Variants in KATNAL2 observed in about 807,000 individuals in gnomAD.
KATNAL2 encodes katanin catalytic subunit A1 like 2, also known as katanin p60 ATPase-containing subunit A-like 2.
A neutral mutation model predicts 76.3 loss-of-function variants in KATNAL2; 52 were observed. The observed-to-expected ratio is 0.68, with a 90% confidence interval of 0.55 to 0.86. KATNAL2 has a LOEUF of 0.86. Among genes scored for constraint, KATNAL2 ranks in the 40% least tolerant of loss-of-function variants. The pLI, the probability that KATNAL2 is intolerant of heterozygous loss-of-function variation, is 0.00. For synonymous variants in KATNAL2, 243 were observed against 244.2 expected, an observed-to-expected ratio of 1.00 and a Z score of 0.05; for missense variants, 660 against 668.9, an observed-to-expected ratio of 0.99 and a Z score of 0.15.
At chr18:47,035,161 G>A in intron 3 of KATNAL2, 1 of 1,612,118 alleles carries the variant, frequency 6.2e-7, no homozygotes, top group Non-Finnish European at 8.5e-7. Flanking sequence ...GGGCAAGGCG[G>A]AGAGTTTCTG....
rs892851544 is a variant in KATNAL2 at position 47,053,014 on chromosome 18, A to G, written c.257A>G (p.Tyr86Cys). The G allele has an allele frequency of 7.5e-6, 12 of 1,606,586 alleles. No individual in the cohort carries two copies. The highest frequency in any genetic ancestry group is 9.3e-6 in the Non-Finnish European group (11 of 1,177,350). Residue 86 changes from tyrosine to cysteine, a missense_variant, in exon 5 of 18, where the codon TAC (tyrosine) becomes TGC (cysteine). Coordinates refer to ENST00000683218, the MANE Select transcript of KATNAL2 (RefSeq NM_001387690.1). Reference sequence around the variant, plus strand: ...TATTATTTTGTAAAATTTCAGAAATACCCCAAAATTGTCAAAAAGTCATCA... The same window carrying G: ...TATTATTTTGTAAAATTTCAGAAATGCCCCAAAATTGTCAAAAAGTCATCA... ...ESYYFVKFQK[Y>C]PKIVKKSSDT...
At chr18:47,067,568 C>A (rs1346090445) in intron 11 of KATNAL2, among the ~76,000 whole-genome samples, 1 of 152,168 alleles carries the variant, frequency 6.6e-6, no homozygotes, top group Non-Finnish European at 1.5e-5. Flanking sequence ...GACTAGACAG[C>A]CCCTTCCAGG....
At chr18:46,936,509 G>T (rs1306388854) in intron 1 of KATNAL2, among the ~76,000 whole-genome samples, 2 of 152,168 alleles carry the variant, frequency 1.3e-5, no homozygotes, top group Non-Finnish European at 1.5e-5. Context: ...AGAGGCTCAG[G>T]TGGGGGGATC....
At chr18:46,944,849 T>C (rs1002799247) in intron 1 of KATNAL2, among the ~76,000 whole-genome samples, 12 of 152,022 alleles carry the variant, frequency 7.9e-5, no homozygotes, top group African/African-American at 2.9e-4. Flanking sequence ...ATTGCTTGAA[T>C]CCGGGAGGCG....
At position 47,090,398 on chromosome 18, in the gene KATNAL2, C is replaced by T. The variant is rs1262143168; in HGVS notation, c.1212-8845C>T. 3.3e-5 allele frequency among the ~76,000 whole-genome samples: 5 copies of T among 152,114 alleles called. No homozygotes were observed. The East Asian group carries it at 5.8e-4, about 18-fold the overall frequency. ...CTGGGATTACAGGCAGGAGCCACCG[C>T]GCCCAGCCCGAAATAGTATTTCTTG... is the stretch of plus-strand genomic sequence containing the variant. On this transcript the variant is annotated intron_variant, in intron 15 of 17. Transcript: ENST00000683218.
At chr18:47,037,850 A>ATTTTTT (rs5824648) in intron 3 of KATNAL2, among the ~76,000 whole-genome samples, 1 of 148,036 alleles carries the variant, frequency 6.8e-6, no homozygotes. Context: ...TAGGAAAGCC[A>ATTTTTT]TTTTTTTTTT....
intron 3 of KATNAL2, among the ~76,000 whole-genome samples, chr18:46,958,537 C>T (rs1298499320): frequency 1.3e-5 from 2 of 152,096 alleles, no homozygotes; most frequent in African/African-American, 4.8e-5. Flanking sequence ...CTGTGACTAA[C>T]ACAGATTTGT....
At position 47,077,423 on chromosome 18, in the gene KATNAL2, A is replaced by C. The variant is rs112035176; in HGVS notation, c.1173A>C (p.Glu391Asp). The change falls in exon 15 of 18, where the codon GAA becomes GAC. Residue 391 changes from glutamate (E) to aspartate (D), a missense_variant. Physicochemically the swap from Glu to Asp is conservative, Grantham distance 45. Transcript: ENST00000683218. Reference sequence around the variant, plus strand: ...AGATGGATGGGCTGGCACGCTCAGAAGATCTCGTATTTGTCTTAGCAGCTT... The same window carrying C: ...AGATGGATGGGCTGGCACGCTCAGACGATCTCGTATTTGTCTTAGCAGCTT... ...LVQMDGLARS[E>D]DLVFVLAASN... 131 of 1,614,082 alleles carry C rather than the reference A, an allele frequency of 8.1e-5. No homozygotes were observed. In the African/African-American group the frequency reaches 1.6e-3, roughly 20 times the overall value.
chr18:47,033,191 C>G, intron 3 of KATNAL2: 1 of 1,614,124 alleles, frequency 6.2e-7, no homozygotes, highest in Non-Finnish European at 8.5e-7. Flanking sequence ...CTGCCACCGC[C>G]GCTGCTGCTC....
At chr18:47,033,561 A>T (rs554546241) in intron 3 of KATNAL2, 12 of 1,614,008 alleles carry the variant, frequency 7.4e-6, no homozygotes, top group Admixed American at 3.3e-5. Context: ...TCTTTCTGCG[A>T]TACAGCTGAT....
chr18:46,966,073 G>C (rs1322011163), intron 3 of KATNAL2, among the ~76,000 whole-genome samples: 50 of 148,866 alleles, frequency 3.4e-4, no homozygotes, highest in Non-Finnish European at 5.6e-4. Flanking sequence ...CTGAGAATCG[G>C]GGAATGGGGA....
Position 46,946,373 on chromosome 18 carries a change from C to T in KATNAL2, c.-193C>T. ...ACAACCAAAGTGTCCACAGCAGATT[C>T]GTCCAGTCTAGATAGACCATGCACA... On this transcript the variant is annotated 5_prime_UTR_variant, in exon 2 of 18. Transcript: ENST00000683218. 1 of 1,024,528 alleles carries T rather than the reference C, an allele frequency of 9.8e-7. No individual in the cohort carries two copies. The highest frequency in any genetic ancestry group is 1.2e-6 in the Non-Finnish European group (1 of 851,940). 63.5% of individuals were successfully genotyped at this position (1,024,528 alleles called of 1,614,324 possible). A position where few individuals can be genotyped will look rare whatever the true frequency, so the allele number is the denominator to read the frequency against.
chr18:46,923,281 T>A (rs1205800408), intron 1 of KATNAL2, among the ~76,000 whole-genome samples: 4 of 144,046 alleles, frequency 2.8e-5, no homozygotes, highest in Non-Finnish European at 6.0e-5. Flanking sequence ...CCATGTGTTC[T>A]CATTGTTCAA....
At chr18:47,064,720 A>G (rs2061737106) in intron 10 of KATNAL2, among the ~76,000 whole-genome samples, 1 of 152,094 alleles carries the variant, frequency 6.6e-6, no homozygotes, top group Non-Finnish European at 1.5e-5. Flanking sequence ...AGAACTATAG[A>G]GTGGAAATGG....
chr18:46,937,711 C>T (rs2059133747), intron 1 of KATNAL2, among the ~76,000 whole-genome samples: 1 of 152,070 alleles, frequency 6.6e-6, no homozygotes, highest in Non-Finnish European at 1.5e-5. Flanking sequence ...GAGACATGTA[C>T]AAGGATATTT....
chr18:47,099,132 A>G (rs2063368845), intron 15 of KATNAL2, 111 bp from the exon 16 acceptor site: 1 of 1,032,672 alleles, frequency 9.7e-7, no homozygotes, highest in African/African-American at 1.6e-5. Context: ...GTAGAGTGAC[A>G]GTTAAAATGC....
intron 15 of KATNAL2, among the ~76,000 whole-genome samples, chr18:47,078,758 T>G (rs761871158): frequency 6.6e-6 from 1 of 152,214 alleles, no homozygotes; most frequent in Non-Finnish European, 1.5e-5. Flanking sequence ...GAGAAACTTA[T>G]TGTGCTGTTT....
intron 3 of KATNAL2, among the ~76,000 whole-genome samples, chr18:47,045,035 G>A (rs1195590655): frequency 6.6e-6 from 1 of 151,734 alleles, no homozygotes; most frequent in African/African-American, 2.4e-5. Context: ...GGAGGGCAGG[G>A]CTGCCATGAG....
chr18:46,960,380 A>G (rs1442063334), intron 3 of KATNAL2, among the ~76,000 whole-genome samples: 2 of 151,720 alleles, frequency 1.3e-5, no homozygotes, highest in African/African-American at 2.4e-5. Context: ...TAGTGAACCG[A>G]GATTGCTCCA....
Sources: allele counts gnomAD v4.1 joint callset (sites outside exome capture counted in the v4.1 genomes callset), GRCh38; gene constraint gnomAD v4.1.1; transcripts MANE v1.5; gene names NCBI Gene and HGNC (gene_info 2026-07-23, HGNC 2026-07-21).